The following TASP1 variants were observed in gnomAD, a reference collection of about 807,000 sequenced individuals.
TASP1 encodes the protein threonine aspartase 1.
In TASP1, 16 loss-of-function variants were observed where a neutral mutation model predicts 56.6. That is an observed-to-expected ratio of 0.28 (90% CI 0.19 to 0.43). The LOEUF (loss-of-function observed/expected upper bound fraction) is 0.43, where lower values mean the gene tolerates loss of function less well. TASP1 is among the 20% of genes least tolerant of loss of function. TASP1 has a pLI of 1.00. For synonymous variants in TASP1, 179 were observed against 184.2 expected, an observed-to-expected ratio of 0.97 and a Z score of 0.23; for missense variants, 393 against 511.6, an observed-to-expected ratio of 0.77 and a Z score of 2.24.
intron 4 of TASP1, among the ~76,000 whole-genome samples, chr20:13,597,782 C>G (rs1398963580): frequency 6.6e-6 from 1 of 152,084 alleles, no homozygotes; most frequent in Non-Finnish European, 1.5e-5. Context: ...TTTAGAAAAC[C>G]CCATCATCTC....
chr20:13,500,470 C>T (rs906041672), intron 10 of TASP1, among the ~76,000 whole-genome samples: 1 of 151,160 alleles, frequency 6.6e-6, no homozygotes, highest in East Asian at 1.9e-4. Context: ...AAGTAGACTA[C>T]TAATAGCCCA....
the TASP1 span, among the ~76,000 whole-genome samples, chr20:13,325,079 C>T: frequency 1.3e-5 from 2 of 152,150 alleles, no homozygotes; most frequent in Admixed American, 1.3e-4. Flanking sequence ...GTGTTCCAAC[C>T]AGGGAGCTCC....
chr20:13,115,154 T>C, the TASP1 span, among the ~76,000 whole-genome samples: 1 of 152,210 alleles, frequency 6.6e-6, no homozygotes, highest in Non-Finnish European at 1.5e-5. Context: ...TTGACAGCAA[T>C]TCATGGGAAT....
chr20:13,281,759 G>C, the TASP1 span, among the ~76,000 whole-genome samples: 2 of 152,208 alleles, frequency 1.3e-5, no homozygotes, highest in Admixed American at 6.5e-5. Context: ...GAAGCACAGA[G>C]GACCGCTTGA....
chr20:13,469,538 T>C (rs2044391928), intron 11 of TASP1, among the ~76,000 whole-genome samples: 1 of 152,126 alleles, frequency 6.6e-6, no homozygotes, highest in Non-Finnish European at 1.5e-5. Context: ...AATTTTTTTC[T>C]TTTTCCTATT....
At chr20:13,274,876 G>C in the TASP1 span, among the ~76,000 whole-genome samples, 1 of 152,112 alleles carries the variant, frequency 6.6e-6, no homozygotes, top group African/African-American at 2.4e-5. Flanking sequence ...GAACAAAAAT[G>C]GTCTCAGACT....
chr20:13,222,596 C>T, the TASP1 span, among the ~76,000 whole-genome samples: 3 of 152,108 alleles, frequency 2.0e-5, no homozygotes, highest in Non-Finnish European at 2.9e-5. Flanking sequence ...AAACTTGTAG[C>T]AAAGTCTTTC....
the TASP1 span, among the ~76,000 whole-genome samples, chr20:13,332,839 G>A: frequency 1.6e-4 from 25 of 152,308 alleles, no homozygotes; most frequent in African/African-American, 5.5e-4. Flanking sequence ...AAATTCTGGT[G>A]TGAACGGAAA....
intron 10 of TASP1, among the ~76,000 whole-genome samples, chr20:13,522,807 T>C (rs2044816496): frequency 6.6e-6 from 1 of 151,992 alleles, no homozygotes; most frequent in South Asian, 2.1e-4. Flanking sequence ...GACTAAGCAC[T>C]GAGGCACTCC....
the TASP1 span, among the ~76,000 whole-genome samples, chr20:13,252,235 G>T: frequency 6.6e-6 from 1 of 152,210 alleles, no homozygotes; most frequent in Non-Finnish European, 1.5e-5. Flanking sequence ...TGCAGCTCAG[G>T]AAGTTATGCT....
chr20:13,613,599 T>C (rs2048424031), intron 4 of TASP1, among the ~76,000 whole-genome samples: 1 of 152,158 alleles, frequency 6.6e-6, no homozygotes, highest in South Asian at 2.1e-4. Context: ...GTAGTGATGC[T>C]GCCTGTTCTT....
intron 10 of TASP1, among the ~76,000 whole-genome samples, chr20:13,488,639 C>A (rs1205851091): frequency 6.6e-6 from 1 of 152,154 alleles, no homozygotes; most frequent in Non-Finnish European, 1.5e-5. Context: ...CTCCCGATAT[C>A]TTGGCTTTTG....
the TASP1 span, among the ~76,000 whole-genome samples, chr20:13,219,733 T>A: frequency 5.1e-3 from 772 of 152,254 alleles, 6 homozygotes; most frequent in African/African-American, 0.018. Flanking sequence ...GCCCTTCCTC[T>A]CCCGGGCACA....
chr20:13,373,877 C>T, the TASP1 span, among the ~76,000 whole-genome samples: 4 of 152,014 alleles, frequency 2.6e-5, no homozygotes, highest in Non-Finnish European at 5.9e-5. Context: ...TTCCATTATG[C>T]ATATTTCAGT....
At chr20:13,428,790 A>C (rs947885325) in intron 12 of TASP1, among the ~76,000 whole-genome samples, 21 of 151,146 alleles carry the variant, frequency 1.4e-4, no homozygotes, top group Non-Finnish European at 2.9e-5. Flanking sequence ...ATTTCCAACC[A>C]ATATTGTTTG....
chr20:13,432,936 C>T (rs1351075642), intron 12 of TASP1, among the ~76,000 whole-genome samples: 1 of 152,046 alleles, frequency 6.6e-6, no homozygotes, highest in Non-Finnish European at 1.5e-5. Flanking sequence ...CCCAACCCAC[C>T]GCTGCCCAAA....
chr20:13,591,916 T>C (rs935434615), intron 4 of TASP1, among the ~76,000 whole-genome samples: 1 of 152,074 alleles, frequency 6.6e-6, no homozygotes, highest in Non-Finnish European at 1.5e-5. Flanking sequence ...AAGTGTATTT[T>C]GCAAATGGTA....
chr20:13,373,184 C>G, the TASP1 span, among the ~76,000 whole-genome samples: 1 of 151,974 alleles, frequency 6.6e-6, no homozygotes, highest in African/African-American at 2.4e-5. Context: ...CTCCACCCAT[C>G]TCCTTTAAGT....
chr20:13,222,988 C>T, the TASP1 span, among the ~76,000 whole-genome samples: 1 of 151,960 alleles, frequency 6.6e-6, no homozygotes, highest in Non-Finnish European at 1.5e-5. Context: ...CATGGTGAAA[C>T]CCCGTCTCTA....
Sources: allele counts gnomAD v4.1 joint callset (sites outside exome capture counted in the v4.1 genomes callset), GRCh38; gene constraint gnomAD v4.1.1; transcripts MANE v1.5; gene names NCBI Gene and HGNC (gene_info 2026-07-23, HGNC 2026-07-21).